Variants in CPEB3 observed in about 807,000 individuals in gnomAD.
CPEB3 encodes cytoplasmic polyadenylation element-binding protein 3.
A neutral mutation model predicts 67.2 loss-of-function variants in CPEB3; 20 were observed. The ratio of observed to expected loss-of-function variants is 0.30; its 90% CI spans 0.21 to 0.43. The LOEUF (loss-of-function observed/expected upper bound fraction) is 0.43, where lower values mean the gene tolerates loss of function less well. Among genes scored for constraint, CPEB3 ranks in the 20% least tolerant of loss-of-function variants. The probability of loss-of-function intolerance (pLI) is 1.00; values close to 1 mark genes in which losing one functional copy is unlikely to be tolerated. For missense variants in CPEB3, 746 were observed against 968.6 expected, an observed-to-expected ratio of 0.77 and a Z score of 3.05; for synonymous variants, 376 against 393.1, an observed-to-expected ratio of 0.96 and a Z score of 0.51.
intron 8 of CPEB3, among the ~76,000 whole-genome samples, chr10:92,085,504 C>T (rs954332434): frequency 1.3e-5 from 2 of 152,234 alleles, no homozygotes; most frequent in African/African-American, 4.8e-5. Flanking sequence ...CAATATGGAG[C>T]ATAGCATCCC....
chr10:92,094,303 G>GA (rs1206681830), intron 7 of CPEB3, among the ~76,000 whole-genome samples: 4 of 151,112 alleles, frequency 2.6e-5, no homozygotes, highest in Non-Finnish European at 5.9e-5. Flanking sequence ...TTTATTGCAT[G>GA]AAAAAAAATG....
chr10:92,182,943 G>A (rs1848528572), intron 3 of CPEB3, among the ~76,000 whole-genome samples: 1 of 151,414 alleles, frequency 6.6e-6, no homozygotes, highest in African/African-American at 2.4e-5. Flanking sequence ...CCATAAATAA[G>A]AAAATCCACT....
At chr10:92,230,479 T>C (rs1851216322) in intron 2 of CPEB3, among the ~76,000 whole-genome samples, 1 of 152,166 alleles carries the variant, frequency 6.6e-6, no homozygotes, top group African/African-American at 2.4e-5. Context: ...TAATAATATT[T>C]ATTATTTCTG....
chr10:92,052,706 CAT>C (rs1432726901), intron 9 of CPEB3, among the ~76,000 whole-genome samples: 4 of 152,180 alleles, frequency 2.6e-5, no homozygotes, highest in Admixed American at 2.6e-4. Flanking sequence ...TTTACACACA[CAT>C]AAACACATTA....
chr10:92,096,813 G>A (rs1843903495), intron 7 of CPEB3, among the ~76,000 whole-genome samples: 1 of 152,152 alleles, frequency 6.6e-6, no homozygotes, highest in African/African-American at 2.4e-5. Context: ...CGTGGTGGCA[G>A]GCACCGGTAA....
At chr10:92,189,038 G>C (rs2134148929) in intron 3 of CPEB3, among the ~76,000 whole-genome samples, 1 of 152,028 alleles carries the variant, frequency 6.6e-6, no homozygotes, top group South Asian at 2.1e-4. Context: ...TTTTTCCCCT[G>C]AATCAAGAGG....
At chr10:92,149,299 C>T (rs1835458951) in intron 4 of CPEB3, among the ~76,000 whole-genome samples, 1 of 152,220 alleles carries the variant, frequency 6.6e-6, no homozygotes, top group Non-Finnish European at 1.5e-5. Context: ...CTCTAAGATA[C>T]CTATGACCAT....
rs1269711896 is a variant in CPEB3 at position 92,099,853 on chromosome 10, C to T, written c.1573-7909G>A. ...CACTCCAGCCTGGGCAGTGAAACTCCGTCTCAAAAAAAAAAGAAGCATTTC... is the reference window on the plus strand; with the variant it reads ...CACTCCAGCCTGGGCAGTGAAACTCTGTCTCAAAAAAAAAAGAAGCATTTC... On this transcript the variant is annotated intron_variant, in intron 7 of 9. Transcript: ENST00000265997. Among the ~76,000 whole-genome samples the T allele has an allele frequency of 2.1e-5, 3 of 140,816 alleles. No homozygotes were observed. The South Asian group carries it at 7.0e-4, about 33-fold the overall frequency. 92.4% of individuals were successfully genotyped at this position (140,816 alleles called of 152,430 possible). A position where few individuals can be genotyped will look rare whatever the true frequency, so the allele number is the denominator to read the frequency against.
intron 4 of CPEB3, among the ~76,000 whole-genome samples, chr10:92,157,337 A>C (rs1847254666): frequency 6.6e-6 from 1 of 152,214 alleles, no homozygotes; most frequent in Non-Finnish European, 1.5e-5. Context: ...CCTAAGTCCC[A>C]TATGCTTTCT....
chr10:92,178,161 CTTTT>C (rs1047680848), intron 4 of CPEB3, among the ~76,000 whole-genome samples: 28 of 139,808 alleles, frequency 2.0e-4, no homozygotes, highest in South Asian at 4.6e-4. Context: ...TCAATTATTC[CTTTT>C]TTTTTTTTTT....
intron 1 of CPEB3, among the ~76,000 whole-genome samples, chr10:92,261,605 G>A (rs1852804103): frequency 6.6e-6 from 1 of 152,010 alleles, no homozygotes; most frequent in African/African-American, 2.4e-5. Context: ...CCACCACAAT[G>A]TCTGGCAAAT....
intron 2 of CPEB3, among the ~76,000 whole-genome samples, chr10:92,210,458 G>A (rs569196013): frequency 1.1e-4 from 16 of 152,132 alleles, no homozygotes; most frequent in Admixed American, 2.6e-4. Flanking sequence ...TCAACTAAGT[G>A]GAACTGAATG....
chr10:92,233,698 C>G (rs773560811), intron 2 of CPEB3, among the ~76,000 whole-genome samples: 1 of 151,952 alleles, frequency 6.6e-6, no homozygotes, highest in Non-Finnish European at 1.5e-5. Flanking sequence ...ATGTAAGAAA[C>G]TTCTTCCTCA....
At chr10:92,197,595 A>G (rs1189346911) in intron 2 of CPEB3, among the ~76,000 whole-genome samples, 2 of 152,174 alleles carry the variant, frequency 1.3e-5, no homozygotes, top group East Asian at 3.8e-4. Flanking sequence ...GCAGCCCATT[A>G]TTGACTCTTT....
At chr10:92,236,019 A>G (rs1851512556) in intron 2 of CPEB3, among the ~76,000 whole-genome samples, 1 of 152,216 alleles carries the variant, frequency 6.6e-6, no homozygotes, top group South Asian at 2.1e-4. Flanking sequence ...CTTATGCACC[A>G]AACTAATACA....
At chr10:92,283,749 C>T (rs1304328610) in intron 1 of CPEB3, among the ~76,000 whole-genome samples, 2 of 109,378 alleles carry the variant, frequency 1.8e-5, no homozygotes, top group Non-Finnish European at 3.6e-5. Context: ...TTTTTTGAGA[C>T]AAGGTCTCAC....
chr10:92,252,316 T>C lies in CPEB3; in HGVS notation c.-11-11955A>G, dbSNP rs545699002. On this transcript the variant is annotated intron_variant, in intron 1 of 9. Coordinates refer to ENST00000265997, the MANE Select transcript of CPEB3 (RefSeq NM_014912.5). Reference sequence around the variant, plus strand: ...ACCCCTCCTTTTTTTAAGCAACCCATTTTTCAAACAATGCTGGTGAAAGTA... The same window carrying C: ...ACCCCTCCTTTTTTTAAGCAACCCACTTTTCAAACAATGCTGGTGAAAGTA... 4.6e-5 allele frequency among the ~76,000 whole-genome samples: 7 copies of C among 152,224 alleles called. No homozygotes were observed. The East Asian group carries it at 1.4e-3, about 29-fold the overall frequency.
At chr10:92,127,881 A>AAGCACTTCAAGTACAAGACTCAT (rs1845673495) in intron 6 of CPEB3, among the ~76,000 whole-genome samples, 1 of 151,822 alleles carries the variant, frequency 6.6e-6, no homozygotes, top group African/African-American at 2.4e-5. Context: ...AAAAGACTTA[A>AAGCACTTCAAGTACAAGACTCAT]AACACTTCAA....
intron 1 of CPEB3, among the ~76,000 whole-genome samples, chr10:92,289,636 T>C (rs1564936331): frequency 1.4e-5 from 2 of 145,922 alleles, no homozygotes; most frequent in South Asian, 4.3e-4. Context: ...TCCCAACACT[T>C]TGGGAGACCA....
Sources: allele counts gnomAD v4.1 joint callset (sites outside exome capture counted in the v4.1 genomes callset), GRCh38; gene constraint gnomAD v4.1.1; transcripts MANE v1.5; gene names NCBI Gene and HGNC (gene_info 2026-07-23, HGNC 2026-07-21).